The following FRMD5 variants were observed in gnomAD, a reference collection of about 807,000 sequenced individuals.
The protein encoded by FRMD5 is FERM domain-containing protein 5.
In FRMD5, 20 loss-of-function variants were observed where a neutral mutation model predicts 69.0. The observed-to-expected ratio is 0.29, with a 90% CI of 0.20 to 0.42. The LOEUF (loss-of-function observed/expected upper bound fraction) is 0.42, where lower values mean the gene tolerates loss of function less well. FRMD5 is among the 10% of genes least tolerant of loss of function. The probability of loss-of-function intolerance (pLI) is 1.00; values close to 1 mark genes in which losing one functional copy is unlikely to be tolerated. For missense variants in FRMD5, 595 were observed against 708.6 expected (o/e 0.84, Z 1.82); for synonymous variants, 271 against 260.1 (o/e 1.04, Z -0.40).
In FRMD5 at chr15:43,906,001, C is replaced by T. The variant is rs553916937; in HGVS notation, c.428-50G>A. 9.9e-6 allele frequency: 16 copies of T among 1,611,610 alleles called. No homozygotes were observed. In the African/African-American group the frequency reaches 1.5e-4, roughly 15 times the overall value. ...ACAATTGTGGAGACAGGTAAATCAT[C>T]ATTGACAAAGCAACAAGAGATTAGC... On this transcript the variant is annotated intron_variant, in intron 5 of 13. Transcript: ENST00000417257.
intron 1 of FRMD5, among the ~76,000 whole-genome samples, chr15:44,091,156 T>C (rs1396159248): frequency 6.6e-6 from 1 of 152,218 alleles, no homozygotes; most frequent in African/African-American, 2.4e-5. Flanking sequence ...ATGAAATCTT[T>C]AGGAAATACT....
intron 4 of FRMD5, among the ~76,000 whole-genome samples, chr15:43,916,064 C>T (rs913868383): frequency 6.6e-6 from 1 of 152,188 alleles, no homozygotes; most frequent in Non-Finnish European, 1.5e-5. Flanking sequence ...GTGGTTCACA[C>T]TCCTGACAAT....
chr15:43,951,106 T>G (rs1444481443), intron 1 of FRMD5, among the ~76,000 whole-genome samples: 1 of 152,192 alleles, frequency 6.6e-6, no homozygotes, highest in East Asian at 1.9e-4. Context: ...TAAAAATCTG[T>G]TCTTCTACCA....
At chr15:44,133,598 GA>G (rs2077137500) in intron 1 of FRMD5, among the ~76,000 whole-genome samples, 1 of 140,410 alleles carries the variant, frequency 7.1e-6, no homozygotes, top group African/African-American at 2.6e-5. Context: ...AAAAAAAACT[GA>G]AAAAAGATAG....
chr15:44,125,477 T>G (rs958523038), intron 1 of FRMD5, among the ~76,000 whole-genome samples: 2 of 152,226 alleles, frequency 1.3e-5, no homozygotes, highest in Non-Finnish European at 2.9e-5. Flanking sequence ...AGATGATTTA[T>G]TCCAGTTTCT....
At chr15:44,198,331 A>AC (rs913570281), upstream of FRMD5, among the ~76,000 whole-genome samples, 14 of 148,506 alleles carry the variant, frequency 9.4e-5, no homozygotes, top group Admixed American at 2.7e-4. Flanking sequence ...TGTCTCAAAA[A>AC]AAAAAAAAAA....
intron 1 of FRMD5, among the ~76,000 whole-genome samples, chr15:44,000,633 T>G (rs567514678): frequency 6.6e-6 from 1 of 152,122 alleles, no homozygotes; most frequent in Admixed American, 6.6e-5. Flanking sequence ...CTAATTTTTG[T>G]ATTTTTAGTA....
chr15:44,003,577 T>C (rs1255672253), intron 1 of FRMD5, among the ~76,000 whole-genome samples: 1 of 152,190 alleles, frequency 6.6e-6, no homozygotes, highest in African/African-American at 2.4e-5. Context: ...TCCTTGCTAT[T>C]TGTCACACTC....
At chr15:43,885,847 T>G in intron 10 of FRMD5, 92 bp from the exon 11 acceptor site, 1 of 998,076 alleles carries the variant, frequency 1.0e-6, no homozygotes, top group Non-Finnish European at 1.6e-6. Context: ...AAAGGCTACT[T>G]GAAACTTCAG....
At chr15:43,903,446 A>G (rs919932026) in intron 6 of FRMD5, among the ~76,000 whole-genome samples, 3 of 152,230 alleles carry the variant, frequency 2.0e-5, no homozygotes, top group African/African-American at 7.2e-5. Flanking sequence ...GCTGGAAAAT[A>G]TATGAAGAAA....
intron 1 of FRMD5, among the ~76,000 whole-genome samples, chr15:44,116,746 T>C (rs1298562237): frequency 6.6e-6 from 1 of 152,044 alleles, no homozygotes; most frequent in Non-Finnish European, 1.5e-5. Context: ...AATTCTTGGA[T>C]CCTCAAAGAA....
intron 13 of FRMD5, among the ~76,000 whole-genome samples, chr15:43,880,120 C>T (rs986232800): frequency 6.6e-6 from 1 of 152,138 alleles, no homozygotes; most frequent in Non-Finnish European, 1.5e-5. Flanking sequence ...GGCCATTGGC[C>T]TTTATCCAGG....
At chr15:43,910,523 G>A (rs567350522) in intron 4 of FRMD5, among the ~76,000 whole-genome samples, 17 of 140,416 alleles carry the variant, frequency 1.2e-4, no homozygotes, top group South Asian at 1.1e-3. Flanking sequence ...AGAGTGAGCC[G>A]AGATTGTGCT....
At chr15:44,049,842 C>G (rs1255053205) in intron 1 of FRMD5, among the ~76,000 whole-genome samples, 2 of 152,166 alleles carry the variant, frequency 1.3e-5, no homozygotes, top group African/African-American at 2.4e-5. Context: ...CCAGAGTTCT[C>G]CAATTGGGAA....
chr15:43,971,460 C>A (rs534317050), intron 1 of FRMD5, among the ~76,000 whole-genome samples: 1 of 151,222 alleles, frequency 6.6e-6, no homozygotes, highest in African/African-American at 2.4e-5. Flanking sequence ...GCCAAGAGGG[C>A]GGATCACGAG....
intron 4 of FRMD5, among the ~76,000 whole-genome samples, chr15:43,913,988 C>A (rs1370470369): frequency 6.6e-6 from 1 of 152,214 alleles, no homozygotes; most frequent in Non-Finnish European, 1.5e-5. Flanking sequence ...CTCTGCTGAT[C>A]TCTTTCTGGC....
chr15:44,109,941 C>T (rs2076773891), intron 1 of FRMD5, among the ~76,000 whole-genome samples: 1 of 152,146 alleles, frequency 6.6e-6, no homozygotes, highest in Non-Finnish European at 1.5e-5. Flanking sequence ...TTGTAAAATG[C>T]CTTTAAGTTT....
At chr15:43,888,700 T>C in intron 9 of FRMD5, 109 bp downstream of exon 9, 2 of 876,658 alleles carry the variant, frequency 2.3e-6, no homozygotes, top group Admixed American at 2.1e-5. Context: ...GGTCTTGGCT[T>C]AGTATGTGGG....
chr15:43,890,196 C>G (rs141079276), intron 8 of FRMD5, among the ~76,000 whole-genome samples: 1 of 152,310 alleles, frequency 6.6e-6, no homozygotes, highest in East Asian at 1.9e-4. Context: ...TATAGACAAG[C>G]ACACAGATCA....
Sources: allele counts gnomAD v4.1 joint callset (sites outside exome capture counted in the v4.1 genomes callset), GRCh38; gene constraint gnomAD v4.1.1; transcripts MANE v1.5; gene names NCBI Gene and HGNC (gene_info 2026-07-23, HGNC 2026-07-21).